NXPE2: variants seen among roughly 807,000 people sequenced by gnomAD.
NXPE2 encodes the protein NXPE family member 2.
A neutral mutation model predicts 34.4 loss-of-function variants in NXPE2; 34 were observed. The observed-to-expected ratio is 0.99, with a 90% CI of 0.75 to 1.31. NXPE2 has a LOEUF of 1.31. Ranked by LOEUF, NXPE2 falls within the 40% of genes most tolerant of loss-of-function variation. The probability of loss-of-function intolerance (pLI) is 0.00; values close to 1 mark genes in which losing one functional copy is unlikely to be tolerated. For synonymous variants in NXPE2, 235 were observed against 231.3 expected, an observed-to-expected ratio of 1.02 and a Z score of -0.15; for missense variants, 649 against 672.5, an observed-to-expected ratio of 0.97 and a Z score of 0.39.
the NXPE2 span, chr11:114,521,673 A>T: frequency 4.4e-5 from 13 of 297,722 alleles, no homozygotes; most frequent in Middle Eastern, 3.1e-3. Context: ...AATAGAAAGC[A>T]TCATGAATTT....
the NXPE2 span, among the ~76,000 whole-genome samples, chr11:114,730,084 G>T: frequency 6.6e-6 from 1 of 152,130 alleles, no homozygotes; most frequent in Non-Finnish European, 1.5e-5. Context: ...CTTGTGTATG[G>T]TGAAAGGTAT....
the NXPE2 span, among the ~76,000 whole-genome samples, chr11:114,611,032 C>T: frequency 1.1e-3 from 174 of 151,664 alleles, 1 homozygote; most frequent in African/African-American, 4.0e-3. Flanking sequence ...ACAACTCTTA[C>T]TCTGTGGATT....
chr11:114,684,855 G>A (rs186215477), intron 2 of NXPE2, among the ~76,000 whole-genome samples: 56 of 152,312 alleles, frequency 3.7e-4, no homozygotes, highest in African/African-American at 1.2e-3. Flanking sequence ...ATGGCTAAGT[G>A]ATTACTCTTA....
the NXPE2 span, among the ~76,000 whole-genome samples, chr11:114,607,697 T>C: frequency 3.2e-4 from 49 of 151,928 alleles, 1 homozygote; most frequent in Non-Finnish European, 6.0e-4. Context: ...TAACCACTGT[T>C]ACTTGGTGGA....
At chr11:114,773,678 T>A in the NXPE2 span, among the ~76,000 whole-genome samples, 1 of 81,504 alleles carries the variant, frequency 1.2e-5, no homozygotes, top group Non-Finnish European at 2.5e-5. Context: ...TGTTTACAGA[T>A]AAGATTAGCA....
chr11:114,602,160 T>C, the NXPE2 span, among the ~76,000 whole-genome samples: 1 of 106,274 alleles, frequency 9.4e-6, no homozygotes, highest in South Asian at 2.7e-4. Flanking sequence ...ATATACATTA[T>C]TTATAATATA....
At chr11:114,708,782 G>A (rs1168551807), downstream of NXPE2, among the ~76,000 whole-genome samples, 3 of 152,092 alleles carry the variant, frequency 2.0e-5, no homozygotes, top group Non-Finnish European at 4.4e-5. Flanking sequence ...TCCTCCTTTA[G>A]GAAACTTTGA....
chr11:114,767,028 T>C, the NXPE2 span, among the ~76,000 whole-genome samples: 44 of 152,282 alleles, frequency 2.9e-4, no homozygotes, highest in African/African-American at 1.1e-3. Flanking sequence ...TGGAGTAATT[T>C]GGTCCCAGAA....
chr11:114,617,787 T>G, the NXPE2 span, among the ~76,000 whole-genome samples: 2 of 152,056 alleles, frequency 1.3e-5, no homozygotes, highest in Non-Finnish European at 2.9e-5. Flanking sequence ...GCCTTGTGGG[T>G]AAGCACGGTT....
At chr11:114,706,349 A>T (rs576311467) in intron 5 of NXPE2, 46 bp from the exon 6 acceptor site, 18 of 1,430,982 alleles carry the variant, frequency 1.3e-5, no homozygotes, top group Non-Finnish European at 1.6e-5. Flanking sequence ...TTAAAGTTAT[A>T]TCATTTTCCT....
chr11:114,694,450 C>A (rs1951211235), intron 2 of NXPE2, among the ~76,000 whole-genome samples: 2 of 151,964 alleles, frequency 1.3e-5, no homozygotes, highest in Non-Finnish European at 2.9e-5. Flanking sequence ...TGCTTGGTGC[C>A]CTCTGAGCTT....
chr11:114,539,864 G>T, the NXPE2 span, among the ~76,000 whole-genome samples: 456 of 151,838 alleles, frequency 3.0e-3, 3 homozygotes, highest in African/African-American at 0.011. Flanking sequence ...ATTATATTTC[G>T]TAAATTGTAT....
the NXPE2 span, among the ~76,000 whole-genome samples, chr11:114,508,311 A>G: frequency 6.6e-6 from 1 of 152,232 alleles, no homozygotes; most frequent in Non-Finnish European, 1.5e-5. Context: ...TTAAATGGCC[A>G]TACTGCCCAA....
chr11:114,796,024 T>C, the NXPE2 span, among the ~76,000 whole-genome samples: 2 of 152,146 alleles, frequency 1.3e-5, no homozygotes, highest in Non-Finnish European at 2.9e-5. Context: ...GAAACTGTGG[T>C]GTTGTAGGAG....
chr11:114,766,857 TG>T, the NXPE2 span, among the ~76,000 whole-genome samples: 20 of 152,316 alleles, frequency 1.3e-4, no homozygotes, highest in African/African-American at 4.8e-4. Flanking sequence ...ACTACAGTGC[TG>T]GGCACATGAC....
At chr11:114,621,672 T>G in the NXPE2 span, among the ~76,000 whole-genome samples, 1 of 152,186 alleles carries the variant, frequency 6.6e-6, no homozygotes, top group African/African-American at 2.4e-5. Flanking sequence ...CTGTGGATAA[T>G]AAGTGATGCC....
the NXPE2 span, among the ~76,000 whole-genome samples, chr11:114,716,383 C>T: frequency 4.6e-5 from 7 of 152,276 alleles, no homozygotes; most frequent in African/African-American, 1.7e-4. Context: ...ATTTTCTGCA[C>T]ATTAATTACC....
intron 3 of NXPE2, among the ~76,000 whole-genome samples, chr11:114,703,000 A>C (rs184802108): frequency 1.3e-5 from 2 of 152,314 alleles, no homozygotes; most frequent in Admixed American, 1.3e-4. Context: ...AGTGAATTCA[A>C]TTTGGCTGGA....
the NXPE2 span, chr11:114,526,542 T>C: frequency 3.3e-5 from 5 of 152,204 alleles, no homozygotes; most frequent in African/African-American, 2.4e-5. Flanking sequence ...TTCTGTGGCT[T>C]TCAAGTCTAC....
Sources: gnomAD v4.1 joint callset for allele counts (sites outside exome capture counted in the v4.1 genomes callset) on GRCh38, gnomAD v4.1.1 for gene constraint, MANE v1.5 for transcripts, NCBI Gene and HGNC (gene_info 2026-07-23, HGNC 2026-07-21) for gene names.